Variants in ARHGAP10 observed in about 807,000 individuals in gnomAD.
ARHGAP10 encodes Rho GTPase activating protein 10.
In ARHGAP10, 87 loss-of-function variants were observed where a neutral mutation model predicts 108.6. The ratio of observed to expected loss-of-function variants is 0.80; its 90% CI spans 0.67 to 0.96. The LOEUF (loss-of-function observed/expected upper bound fraction) is 0.96, where lower values mean the gene tolerates loss of function less well. Ranked by LOEUF, ARHGAP10 falls within the 40% of genes least tolerant of loss-of-function variation. The probability of loss-of-function intolerance (pLI) is 0.00; values close to 1 mark genes in which losing one functional copy is unlikely to be tolerated. For missense variants in ARHGAP10, 939 were observed against 954.5 expected, an observed-to-expected ratio of 0.98 and a Z score of 0.21; for synonymous variants, 347 against 341.1, an observed-to-expected ratio of 1.02 and a Z score of -0.19.
Position 147,820,580 on chromosome 4 carries a change from G to GTTTTTT in ARHGAP10, c.155-2122_155-2117dup, listed in dbSNP as rs57534364. 2.4e-4 allele frequency among the ~76,000 whole-genome samples: 12 copies of GTTTTTT among 49,042 alleles called. 2 individuals are homozygous for GTTTTTT. In the South Asian group the frequency reaches 5.6e-3, roughly 23 times the overall value. The allele number at this position is 49,042 out of a possible 152,430, so 32.2% of individuals were successfully genotyped here. On this transcript the variant is annotated intron_variant, in intron 1 of 22. Coordinates refer to ENST00000336498, the MANE Select transcript of ARHGAP10 (RefSeq NM_024605.4). Reference sequence around the variant, plus strand: ...TTACAGGCGTGGGCTACCTCGGCCAGTTTTTTTTTTTTTTTTTTTTTTTTT... The same window carrying GTTTTTT: ...TTACAGGCGTGGGCTACCTCGGCCAGTTTTTTTTTTTTTTTTTTTTTTTTTTTTTTT...
chr4:147,777,898 G>A (rs185923599), intron 1 of ARHGAP10, among the ~76,000 whole-genome samples: 3 of 152,208 alleles, frequency 2.0e-5, no homozygotes, highest in African/African-American at 7.2e-5. Context: ...CTATAGATGG[G>A]GAGATAAAAC....
chr4:147,852,729 TTAAA>T (rs1733924087), intron 4 of ARHGAP10, among the ~76,000 whole-genome samples: 1 of 106,174 alleles, frequency 9.4e-6, no homozygotes, highest in Non-Finnish European at 1.7e-5. Flanking sequence ...TTTTTTTTTT[TTAAA>T]ATGGAGCGGA....
chr4:147,931,746 C>T (rs1253814473), intron 13 of ARHGAP10, among the ~76,000 whole-genome samples: 1 of 152,244 alleles, frequency 6.6e-6, no homozygotes, highest in East Asian at 1.9e-4. Flanking sequence ...GATAATAGAT[C>T]ATTCAGAACA....
chr4:148,029,818 G>GA (rs1728054015), intron 19 of ARHGAP10, among the ~76,000 whole-genome samples: 1 of 152,186 alleles, frequency 6.6e-6, no homozygotes, highest in African/African-American at 2.4e-5. Flanking sequence ...TTGAATGTGT[G>GA]ACAGTATATG....
intron 1 of ARHGAP10, among the ~76,000 whole-genome samples, chr4:147,803,379 T>C (rs1298992520): frequency 6.6e-6 from 1 of 152,246 alleles, no homozygotes; most frequent in Non-Finnish European, 1.5e-5. Flanking sequence ...TTTTGATACA[T>C]GCATACAATG....
At chr4:147,906,881 G>T (rs1305720193) in intron 11 of ARHGAP10, among the ~76,000 whole-genome samples, 162 bp downstream of exon 11, 2 of 152,268 alleles carry the variant, frequency 1.3e-5, no homozygotes, top group Non-Finnish European at 2.9e-5. Flanking sequence ...TTTGGGTTGG[G>T]CAAGCAGCAG....
At chr4:147,830,427 G>A (rs151171237) in intron 3 of ARHGAP10, among the ~76,000 whole-genome samples, 74 of 151,236 alleles carry the variant, frequency 4.9e-4, no homozygotes, top group African/African-American at 1.7e-3. Context: ...CTTTTGACAC[G>A]GATTTTTGTT....
chr4:147,754,945 A>T (rs925352939), intron 1 of ARHGAP10, among the ~76,000 whole-genome samples: 1 of 152,068 alleles, frequency 6.6e-6, no homozygotes, highest in Non-Finnish European at 1.5e-5. Flanking sequence ...AAATGCAAAA[A>T]TTAGCGGACG....
At chr4:147,738,558 C>T (rs9994150) in intron 1 of ARHGAP10, among the ~76,000 whole-genome samples, 5 of 150,936 alleles carry the variant, frequency 3.3e-5, no homozygotes, top group African/African-American at 4.9e-5. Flanking sequence ...GTCTCCCCCC[C>T]CCAAAAAAAA....
intron 20 of ARHGAP10, among the ~76,000 whole-genome samples, chr4:148,058,951 C>T (rs1729481624): frequency 6.6e-6 from 1 of 152,238 alleles, no homozygotes; most frequent in African/African-American, 2.4e-5. Context: ...CCCAGCTCTT[C>T]CACCCACCCC....
chr4:147,773,721 A>G (rs1730170039), intron 1 of ARHGAP10, among the ~76,000 whole-genome samples: 1 of 152,226 alleles, frequency 6.6e-6, no homozygotes, highest in Non-Finnish European at 1.5e-5. Flanking sequence ...GTGGAATGAT[A>G]GGGAATCCCT....
At chr4:147,901,254 A>G (rs1278222987) in intron 10 of ARHGAP10, among the ~76,000 whole-genome samples, 1 of 152,226 alleles carries the variant, frequency 6.6e-6, no homozygotes, top group Non-Finnish European at 1.5e-5. Flanking sequence ...TTTTTCCTAC[A>G]CTAATACTTT....
chr4:147,782,923 T>C (rs1035478091), intron 1 of ARHGAP10, among the ~76,000 whole-genome samples: 1 of 142,738 alleles, frequency 7.0e-6, no homozygotes, highest in African/African-American at 2.5e-5. Context: ...ATATAAATTA[T>C]ATAATATATA....
intron 1 of ARHGAP10, among the ~76,000 whole-genome samples, chr4:147,763,689 G>C (rs1729679681): frequency 6.6e-6 from 1 of 151,380 alleles, no homozygotes; most frequent in African/African-American, 2.4e-5. Context: ...GAACCCTGCA[G>C]GTAATTCTAA....
intron 20 of ARHGAP10, among the ~76,000 whole-genome samples, chr4:148,052,759 G>T (rs982679634): frequency 6.6e-6 from 1 of 152,120 alleles, no homozygotes; most frequent in Non-Finnish European, 1.5e-5. Flanking sequence ...AAACAGCAGG[G>T]TCACTTAGAT....
At position 147,913,246 on chromosome 4, in the gene ARHGAP10, A is replaced by G. The variant is rs933313615; in HGVS notation, c.1228+107A>G. The G allele has an allele frequency of 1.4e-5, 13 of 944,890 alleles. No individual in the cohort carries two copies. The African/African-American group carries it at 2.0e-4, about 14-fold the overall frequency. The allele number at this position is 944,890 out of a possible 1,614,324, so 58.5% of individuals were successfully genotyped here. On this transcript the variant is annotated intron_variant, in intron 13 of 22. Transcript: ENST00000336498. ...AAGTGTTACAGAATGAAACGTGTTA[A>G]CACAAATGCTCATTCTGAGTATCAG...
rs754289139 is a variant in ARHGAP10, at chr4:147,857,572, A to T, written c.404A>T (p.Asp135Val). The T allele has an allele frequency of 6.7e-7, 1 of 1,484,424 alleles. No individual in the cohort carries two copies. The highest frequency in any genetic ancestry group is 8.9e-7 in the Non-Finnish European group (1 of 1,119,556). The allele number at this position is 1,484,424 out of a possible 1,614,324, so 92.0% of individuals were successfully genotyped here. Residue 135 changes from aspartate (D) to valine (V), a missense_variant, in exon 5 of 23, where the codon GAC becomes GTC. Asp to Val is a radical substitution (Grantham distance 152). Transcript: ENST00000336498. ...TTGTAGGAAGAAAAAAAGAAGTTTGACAAAGAGACAGAAAAGAATTATAGT... is the reference window on the plus strand; with the variant it reads ...TTGTAGGAAGAAAAAAAGAAGTTTGTCAAAGAGACAGAAAAGAATTATAGT... ...GAVKEEKKKF[D>V]KETEKNYSLI...
intron 1 of ARHGAP10, among the ~76,000 whole-genome samples, chr4:147,754,620 A>G (rs962968964): frequency 3.4e-5 from 5 of 148,142 alleles, no homozygotes; most frequent in Non-Finnish European, 6.0e-5. Flanking sequence ...ATTGTATTCA[A>G]TTTTTTTTTT....
At chr4:147,781,700 G>A in intron 1 of ARHGAP10, among the ~76,000 whole-genome samples, 1 of 120,452 alleles carries the variant, frequency 8.3e-6, no homozygotes, top group Non-Finnish European at 1.6e-5. Flanking sequence ...TTTTTTTTGA[G>A]ACAGTCTTGC....
Sources: gnomAD v4.1 joint callset for allele counts (sites outside exome capture counted in the v4.1 genomes callset) on GRCh38, gnomAD v4.1.1 for gene constraint, MANE v1.5 for transcripts, NCBI Gene and HGNC (gene_info 2026-07-23, HGNC 2026-07-21) for gene names.